ELAVL4: variants seen among roughly 807,000 people sequenced by gnomAD.
ELAVL4 encodes the protein ELAV like RNA binding protein 4.
In ELAVL4, 1 loss-of-function variant was observed where a neutral mutation model predicts 35.6. The ratio of observed to expected loss-of-function variants is 0.03; its 90% CI spans 0.01 to 0.13. ELAVL4 has a LOEUF of 0.13. Ranked by LOEUF, ELAVL4 falls within the 10% of genes least tolerant of loss-of-function variation. The pLI is 1.00. For missense variants in ELAVL4, 267 were observed against 464.9 expected, an observed-to-expected ratio of 0.57 and a Z score of 3.91; for synonymous variants, 156 against 171.0, an observed-to-expected ratio of 0.91 and a Z score of 0.69.
chr1:50,176,009 C>T (rs1679969978), intron 2 of ELAVL4: 1 of 152,202 alleles, frequency 6.6e-6, no homozygotes, highest in South Asian at 2.1e-4. Context: ...TTTGCAGCCA[C>T]CCCAAGCTCT....
chr1:50,075,889 A>G (rs1048963202), intron 1 of ELAVL4, among the ~76,000 whole-genome samples: 1 of 152,072 alleles, frequency 6.6e-6, no homozygotes. Flanking sequence ...GTGAAGTGGC[A>G]TGATCTCGGC....
intron 1 of ELAVL4, among the ~76,000 whole-genome samples, chr1:50,117,554 A>T (rs139655845): frequency 6.6e-6 from 1 of 152,302 alleles, no homozygotes; most frequent in African/African-American, 2.4e-5. Flanking sequence ...GAGTTACTTC[A>T]ACATGAGCCA....
chr1:50,188,592 G>A (rs1490092529), intron 3 of ELAVL4, among the ~76,000 whole-genome samples: 3 of 152,256 alleles, frequency 2.0e-5, no homozygotes, highest in African/African-American at 7.2e-5. Context: ...CCATAACACT[G>A]AACTTTACAC....
intron 1 of ELAVL4, among the ~76,000 whole-genome samples, chr1:50,130,399 T>A (rs767157070): frequency 1.9e-4 from 29 of 152,134 alleles, no homozygotes; most frequent in Non-Finnish European, 3.5e-4. Context: ...CACTTCTACA[T>A]CTGTAAATGA....
intron 1 of ELAVL4, among the ~76,000 whole-genome samples, chr1:50,128,113 G>A (rs911928384): frequency 9.9e-5 from 15 of 152,002 alleles, no homozygotes; most frequent in Non-Finnish European, 1.6e-4. Context: ...CAGACTCAAC[G>A]TGGAAATAAA....
rs978820573 is a variant in ELAVL4 at position 50,110,097 on chromosome 1, G to T, written c.9+899G>T. ...ATCACTGTGCTGATCGTTTGTGTGT[G>T]TATGTATGTGTGTGTTTATTAGTAT... On this transcript the variant is annotated intron_variant, in intron 1 of 6. Coordinates refer to ENST00000371824, the MANE Select transcript of ELAVL4 (RefSeq NM_001144774.3). 13 of 1,161,932 alleles carry T rather than the reference G, an allele frequency of 1.1e-5. No homozygotes were observed. In the Admixed American group the frequency reaches 2.2e-4, roughly 20 times the overall value. 72.0% of individuals were successfully genotyped at this position (1,161,932 alleles called of 1,614,324 possible).
rs1338689538 is a variant in ELAVL4, at chr1:50,108,999, CT to C, written c.-183del. On this transcript the variant is annotated 5_prime_UTR_variant, in exon 1 of 7. Transcript: ENST00000371824. ...GGGGTTTCAGCTCACTGCTCCTTTT[CT>C]TTTTTTTCTTTCTCTCCCCCGCCCA... 1.7e-5 allele frequency: 19 copies of C among 1,143,830 alleles called. No homozygotes were observed. Among genetic ancestry groups the C allele is most frequent in the Middle Eastern group, 3.8e-4 (1 of 2,628 alleles). The allele number at this position is 1,143,830 out of a possible 1,614,324, so 70.9% of individuals were successfully genotyped here.
chr1:50,133,570 GAA>G (rs1179157187), intron 1 of ELAVL4, among the ~76,000 whole-genome samples: 49 of 136,630 alleles, frequency 3.6e-4, no homozygotes, highest in South Asian at 2.3e-4. Flanking sequence ...TAAAAAGAAA[GAA>G]AGAGAGAGAG....
intron 3 of ELAVL4, chr1:50,180,764 G>A (rs1445172382): frequency 1.3e-5 from 2 of 152,152 alleles, no homozygotes; most frequent in African/African-American, 4.8e-5. Flanking sequence ...CATACAACAG[G>A]CCAGCAGTGG....
chr1:50,149,124 G>T (rs762760838), intron 2 of ELAVL4, among the ~76,000 whole-genome samples: 1 of 152,090 alleles, frequency 6.6e-6, no homozygotes, highest in Non-Finnish European at 1.5e-5. Flanking sequence ...TAGGCCAGGC[G>T]CAGTGACTCA....
In ELAVL4 at chr1:50,129,409, C is replaced by G. The variant is rs944659066; in HGVS notation, c.10-15548C>G. 7.2e-5 allele frequency among the ~76,000 whole-genome samples: 11 copies of G among 152,068 alleles called. No individual in the cohort carries two copies. The East Asian group carries it at 2.1e-3, about 29-fold the overall frequency. On this transcript the variant is annotated intron_variant, in intron 1 of 6. Coordinates refer to ENST00000371824, the MANE Select transcript of ELAVL4 (RefSeq NM_001144774.3). ...ATGCAGAGTGCACTGTGGCAGTGAT[C>G]TGAAATTTCCCAGGAAAACATGATG...
chr1:50,196,164 T>C (rs1644045811), intron 5 of ELAVL4, among the ~76,000 whole-genome samples: 1 of 152,252 alleles, frequency 6.6e-6, no homozygotes, highest in African/African-American at 2.4e-5. Context: ...AAATAGACCA[T>C]AAGGCAGATC....
intron 1 of ELAVL4, among the ~76,000 whole-genome samples, chr1:50,069,084 G>C (rs549639059): frequency 2.6e-4 from 39 of 152,306 alleles, no homozygotes; most frequent in African/African-American, 9.1e-4. Flanking sequence ...ACATCCTGCT[G>C]TCTTACATGA....
chr1:50,090,804 G>A (rs1421534024), intron 1 of ELAVL4, among the ~76,000 whole-genome samples: 2 of 152,146 alleles, frequency 1.3e-5, no homozygotes, highest in African/African-American at 2.4e-5. Flanking sequence ...TCCAATGGCC[G>A]GAGCTCAATC....
chr1:50,140,663 T>C (rs570653313), intron 1 of ELAVL4, among the ~76,000 whole-genome samples: 20 of 152,286 alleles, frequency 1.3e-4, no homozygotes, highest in African/African-American at 4.8e-4. Context: ...GGTCTTATTA[T>C]AGGATGTATA....
intron 1 of ELAVL4, among the ~76,000 whole-genome samples, chr1:50,072,735 A>G (rs779311571): frequency 1.3e-5 from 2 of 152,202 alleles, no homozygotes; most frequent in Admixed American, 1.3e-4. Context: ...AATGCCAGAC[A>G]TTGTGCTTAA....
chr1:50,181,947 T>A (rs1165133424), intron 3 of ELAVL4, among the ~76,000 whole-genome samples: 2 of 152,272 alleles, frequency 1.3e-5, no homozygotes, highest in Admixed American at 1.3e-4. Context: ...CCTCCCAAAG[T>A]GCTGGGATTA....
intron 2 of ELAVL4, among the ~76,000 whole-genome samples, chr1:50,172,075 G>A (rs905510324): frequency 2.7e-4 from 41 of 151,652 alleles, no homozygotes; most frequent in Non-Finnish European, 1.9e-4. Context: ...GGTTTCTGGA[G>A]AATGATGGTT....
chr1:50,181,697 T>TTGTTC (rs1681060681), intron 3 of ELAVL4, among the ~76,000 whole-genome samples: 2 of 151,962 alleles, frequency 1.3e-5, no homozygotes, highest in South Asian at 2.1e-4. Flanking sequence ...TTGTTTTGTT[T>TTGTTC]TTTTAGACAG....
Sources: gnomAD v4.1 joint callset for allele counts (sites outside exome capture counted in the v4.1 genomes callset) on GRCh38, gnomAD v4.1.1 for gene constraint, MANE v1.5 for transcripts, NCBI Gene and HGNC (gene_info 2026-07-23, HGNC 2026-07-21) for gene names.